Variants in RANBP17 observed in about 807,000 individuals in gnomAD.
RANBP17 encodes the protein ran-binding protein 17.
RANBP17 carries 158 observed loss-of-function variants against 141.2 expected under a neutral mutation model. That is an observed-to-expected ratio of 1.12 (90% confidence interval 0.98 to 1.28). The LOEUF (loss-of-function observed/expected upper bound fraction) is 1.28. RANBP17 is among the 50% of genes most tolerant of loss of function. The pLI, the probability that RANBP17 is intolerant of heterozygous loss-of-function variation, is 0.00. For missense variants in RANBP17, 1,438 were observed against 1,290.7 expected (o/e 1.11, Z -1.75); for synonymous variants, 430 against 450.0 (o/e 0.96, Z 0.56).
intron 14 of RANBP17, among the ~76,000 whole-genome samples, chr5:171,122,112 C>T (rs1252172361): frequency 1.3e-5 from 2 of 152,152 alleles, no homozygotes; most frequent in East Asian, 3.9e-4. Flanking sequence ...CATGGCTCTA[C>T]GCAGATCCAG....
intron 14 of RANBP17, among the ~76,000 whole-genome samples, chr5:171,075,254 C>T (rs941531407): frequency 1.3e-5 from 2 of 152,106 alleles, no homozygotes; most frequent in East Asian, 1.9e-4. Context: ...ATAGGAAAAA[C>T]TCAGAGAAAT....
intron 13 of RANBP17, among the ~76,000 whole-genome samples, chr5:170,958,705 A>G (rs1381010385): frequency 6.6e-6 from 1 of 152,150 alleles, no homozygotes; most frequent in Non-Finnish European, 1.5e-5. Flanking sequence ...GCTCCTGCCA[A>G]AACTTCATGT....
chr5:171,278,252 C>T (rs1299189736), intron 25 of RANBP17, among the ~76,000 whole-genome samples: 1 of 152,076 alleles, frequency 6.6e-6, no homozygotes, highest in African/African-American at 2.4e-5. Context: ...GGTGTGGTGG[C>T]TCACGCCTGT....
intron 14 of RANBP17, among the ~76,000 whole-genome samples, chr5:170,996,208 T>A (rs531739643): frequency 9.2e-5 from 14 of 152,264 alleles, no homozygotes; most frequent in Admixed American, 6.5e-4. Context: ...TGAGGGACCC[T>A]CTCCTTCCTC....
At chr5:171,188,371 G>A (rs920447068) in intron 18 of RANBP17, among the ~76,000 whole-genome samples, 3 of 152,184 alleles carry the variant, frequency 2.0e-5, no homozygotes, top group Admixed American at 2.0e-4. Context: ...AAGAGGCGCA[G>A]CCCCAGACTG....
chr5:171,040,134 A>G (rs1226545171), intron 14 of RANBP17, among the ~76,000 whole-genome samples: 1 of 152,142 alleles, frequency 6.6e-6, no homozygotes, highest in East Asian at 1.9e-4. Context: ...AAATACTAGC[A>G]ATCCACATCT....
At position 171,055,885 on chromosome 5, in the gene RANBP17, AAAAAAAAAAAAC is replaced by A. The variant is rs1165062534; in HGVS notation, c.1710+87522_1710+87533del. Among the ~76,000 whole-genome samples, 54 of 92,098 alleles carry A rather than the reference AAAAAAAAAAAAC, an allele frequency of 5.9e-4. No homozygotes were observed. The South Asian group carries it at 0.032, about 54-fold the overall frequency. The allele number at this position is 92,098 out of a possible 152,430, so 60.4% of individuals were successfully genotyped here. A position where few individuals can be genotyped will look rare whatever the true frequency, so the allele number is the denominator to read the frequency against. The stretch of plus-strand genomic sequence containing the variant: ...CTCCAGTTGTGTCCTGTTGCCAAAA[AAAAAAAAAAAAC>A]AAAAAAAAAAACATTCTTATTACAC... On this transcript the variant is annotated intron_variant, in intron 14 of 27. Coordinates refer to ENST00000523189, the MANE Select transcript of RANBP17 (RefSeq NM_022897.5).
At chr5:171,268,739 C>T (rs1209811351) in intron 25 of RANBP17, among the ~76,000 whole-genome samples, 1 of 152,112 alleles carries the variant, frequency 6.6e-6, no homozygotes, top group African/African-American at 2.4e-5. Flanking sequence ...AGTCTGCCAC[C>T]AAATCACTCC....
intron 14 of RANBP17, among the ~76,000 whole-genome samples, chr5:170,988,401 A>G (rs1182376023): frequency 6.6e-6 from 1 of 150,424 alleles, no homozygotes; most frequent in Non-Finnish European, 1.5e-5. Context: ...TCTAGGAATA[A>G]GAATAATAAA....
intron 27 of RANBP17, among the ~76,000 whole-genome samples, chr5:171,298,428 T>C (rs1768954848): frequency 6.6e-6 from 1 of 152,226 alleles, no homozygotes; most frequent in Non-Finnish European, 1.5e-5. Context: ...ATATAAACTT[T>C]TGTTCTTTTT....
chr5:171,027,013 A>G (rs780421661), intron 14 of RANBP17, among the ~76,000 whole-genome samples: 14 of 152,108 alleles, frequency 9.2e-5, no homozygotes, highest in Non-Finnish European at 8.8e-5. Flanking sequence ...CAAGAGATCT[A>G]GGTTGCGGAC....
chr5:170,896,623 A>T lies in RANBP17; in HGVS notation c.489+508A>T, dbSNP rs373588233. ...GGCAGGGGGATCACCTGAGGTCAGG[A>T]ATTCGAGACCAGCCTGGCCAACATG... On this transcript the variant is annotated intron_variant, in intron 5 of 27. Coordinates refer to ENST00000523189, the MANE Select transcript of RANBP17 (RefSeq NM_022897.5). Among the ~76,000 whole-genome samples, 63 of 152,240 alleles carry T rather than the reference A, an allele frequency of 4.1e-4. 1 individual carries two copies. The South Asian group carries it at 0.013, about 31-fold the overall frequency.
At chr5:171,008,454 T>G (rs1254842815) in intron 14 of RANBP17, among the ~76,000 whole-genome samples, 1 of 152,138 alleles carries the variant, frequency 6.6e-6, no homozygotes, top group Non-Finnish European at 1.5e-5. Flanking sequence ...AAACAGGCTT[T>G]GTGTGAGCAA....
chr5:171,263,361 G>A (rs1359989176), intron 24 of RANBP17, among the ~76,000 whole-genome samples: 2 of 152,190 alleles, frequency 1.3e-5, no homozygotes, highest in Non-Finnish European at 2.9e-5. Flanking sequence ...GCCAAAAAAT[G>A]TGGGTGGTGT....
chr5:171,138,689 T>C (rs1014697699), intron 14 of RANBP17, among the ~76,000 whole-genome samples: 6 of 152,190 alleles, frequency 3.9e-5, no homozygotes, highest in African/African-American at 1.2e-4. Context: ...AAATATGCCA[T>C]GGTTATATAG....
chr5:171,279,081 C>G (rs1767697829), intron 25 of RANBP17, among the ~76,000 whole-genome samples: 1 of 152,036 alleles, frequency 6.6e-6, no homozygotes, highest in Non-Finnish European at 1.5e-5. Flanking sequence ...TTTCCTGGTC[C>G]CATCCCTGTG....
intron 3 of RANBP17, among the ~76,000 whole-genome samples, chr5:170,890,803 A>C (rs1003237058): frequency 2.0e-5 from 3 of 152,214 alleles, no homozygotes; most frequent in Non-Finnish European, 4.4e-5. Context: ...ACTTTATTAC[A>C]AGCTTGACTT....
intron 5 of RANBP17, among the ~76,000 whole-genome samples, chr5:170,897,995 G>A (rs769626333): frequency 6.6e-6 from 1 of 152,116 alleles, no homozygotes; most frequent in Non-Finnish European, 1.5e-5. Flanking sequence ...ACTGTCTTCC[G>A]TAATGGTTAA....
chr5:171,272,593 T>G (rs1450121521), intron 25 of RANBP17, among the ~76,000 whole-genome samples: 1 of 152,184 alleles, frequency 6.6e-6, no homozygotes, highest in Admixed American at 6.5e-5. Flanking sequence ...TGAAATCTGT[T>G]TAACTGTGGG....
Sources: allele counts gnomAD v4.1 joint callset (sites outside exome capture counted in the v4.1 genomes callset), GRCh38; gene constraint gnomAD v4.1.1; transcripts MANE v1.5; gene names NCBI Gene and HGNC (gene_info 2026-07-23, HGNC 2026-07-21).